Variants in NEGR1 observed in about 807,000 individuals in gnomAD.
NEGR1 encodes IgLON family member 4.
A neutral mutation model predicts 40.9 loss-of-function variants in NEGR1; 10 were observed. That is an observed-to-expected ratio of 0.24 (90% CI 0.15 to 0.42). The LOEUF (loss-of-function observed/expected upper bound fraction) is 0.42, where lower values mean the gene tolerates loss of function less well. Ranked by LOEUF, NEGR1 falls within the 10% of genes least tolerant of loss-of-function variation. NEGR1 has a pLI of 1.00. For synonymous variants in NEGR1, 185 were observed against 166.8 expected (o/e 1.11, Z -0.84); for missense variants, 352 against 438.9 (o/e 0.80, Z 1.77).
intron 1 of NEGR1, among the ~76,000 whole-genome samples, chr1:72,066,638 T>G (rs998355622): frequency 2.0e-5 from 3 of 152,014 alleles, no homozygotes; most frequent in Admixed American, 2.0e-4. Context: ...ACACCAGGAA[T>G]GCACATGCAC....
rs138223560 is a variant in NEGR1, at chr1:72,184,315, C to T, written c.176+98004G>A. Among the ~76,000 whole-genome samples the T allele has an allele frequency of 5.2e-3, 797 of 152,076 alleles. 8 individuals are homozygous for T. Among genetic ancestry groups the T allele is most frequent in the African/African-American group, 0.018 (768 of 41,522 alleles). On this transcript the variant is annotated intron_variant, in intron 1 of 6. Coordinates refer to ENST00000357731, the MANE Select transcript of NEGR1 (RefSeq NM_173808.3). ...CAAAGAGGGTGTTCAGACTGCAGAACGCAGAAGATATTTGCAAGTAGGCAG... is the reference window on the plus strand; with the variant it reads ...CAAAGAGGGTGTTCAGACTGCAGAATGCAGAAGATATTTGCAAGTAGGCAG...
At chr1:71,943,866 T>C (rs975791658) in intron 1 of NEGR1, among the ~76,000 whole-genome samples, 6 of 152,138 alleles carry the variant, frequency 3.9e-5, no homozygotes, top group African/African-American at 1.4e-4. Context: ...AGTAGATAGG[T>C]CTTATCATCT....
At chr1:71,974,260 C>T (rs1646283448) in intron 1 of NEGR1, among the ~76,000 whole-genome samples, 1 of 152,136 alleles carries the variant, frequency 6.6e-6, no homozygotes, top group East Asian at 1.9e-4. Context: ...TCAAAGTAAG[C>T]TTGAGAGTCT....
At chr1:71,625,876 G>A (rs1397815519) in intron 4 of NEGR1, among the ~76,000 whole-genome samples, 1 of 151,634 alleles carries the variant, frequency 6.6e-6, no homozygotes, top group African/African-American at 2.4e-5. Context: ...ATATTTAGAT[G>A]ACTATACACA....
At chr1:71,424,637 A>G (rs1436082785) in intron 6 of NEGR1, among the ~76,000 whole-genome samples, 1 of 152,226 alleles carries the variant, frequency 6.6e-6, no homozygotes, top group Non-Finnish European at 1.5e-5. Flanking sequence ...CACTGGTGGC[A>G]AAAACCCAGA....
chr1:72,175,856 G>A (rs1315297038), intron 1 of NEGR1, among the ~76,000 whole-genome samples: 1 of 152,038 alleles, frequency 6.6e-6, no homozygotes. Flanking sequence ...AAACTCCACA[G>A]CTTAAACTAG....
intron 1 of NEGR1, among the ~76,000 whole-genome samples, chr1:72,012,440 T>C (rs915456742): frequency 3.9e-5 from 6 of 152,050 alleles, no homozygotes; most frequent in African/African-American, 1.4e-4. Flanking sequence ...GTTTCTGTTA[T>C]TGGTGCCAAA....
At chr1:71,913,109 T>G (rs1661466301) in intron 2 of NEGR1, among the ~76,000 whole-genome samples, 1 of 152,102 alleles carries the variant, frequency 6.6e-6, no homozygotes, top group Non-Finnish European at 1.5e-5. Flanking sequence ...CATTTTTAAT[T>G]AAATTAAATT....
chr1:72,002,788 T>G (rs900810270), intron 1 of NEGR1, among the ~76,000 whole-genome samples: 1 of 152,212 alleles, frequency 6.6e-6, no homozygotes, highest in Non-Finnish European at 1.5e-5. Context: ...TTAATTATTC[T>G]TTACAAATTG....
At chr1:72,212,204 G>A (rs1274668551) in intron 1 of NEGR1, among the ~76,000 whole-genome samples, 1 of 151,776 alleles carries the variant, frequency 6.6e-6, no homozygotes, top group Non-Finnish European at 1.5e-5. Context: ...GATAAATTGT[G>A]TTAAACTTTA....
At chr1:72,036,613 G>A (rs565784487) in intron 1 of NEGR1, among the ~76,000 whole-genome samples, 3 of 147,696 alleles carry the variant, frequency 2.0e-5, no homozygotes, top group African/African-American at 5.0e-5. Context: ...CCGAGATTGC[G>A]CTATTGTACT....
At chr1:71,494,865 G>A (rs900498099) in intron 6 of NEGR1, among the ~76,000 whole-genome samples, 2 of 151,906 alleles carry the variant, frequency 1.3e-5, no homozygotes, top group Admixed American at 1.3e-4. Flanking sequence ...AGCTGCACAG[G>A]TCCACTTATA....
At chr1:71,450,334 G>T (rs1646617528) in intron 6 of NEGR1, among the ~76,000 whole-genome samples, 1 of 152,006 alleles carries the variant, frequency 6.6e-6, no homozygotes, top group Admixed American at 6.6e-5. Context: ...TTAATTCAAT[G>T]CACAGCAAAA....
chr1:72,007,845 A>G (rs1646621433), intron 1 of NEGR1, among the ~76,000 whole-genome samples: 1 of 152,152 alleles, frequency 6.6e-6, no homozygotes, highest in African/African-American at 2.4e-5. Context: ...TACTTTGCCT[A>G]AGGCCTACAT....
rs577084423 is a variant in NEGR1, at chr1:71,420,424, T to C, written c.941-12854A>G. Among the ~76,000 whole-genome samples the C allele has an allele frequency of 2.6e-5, 4 of 152,160 alleles. No homozygotes were observed. The East Asian group carries it at 5.8e-4, about 22-fold the overall frequency. On this transcript the variant is annotated intron_variant, in intron 6 of 6. Coordinates refer to ENST00000357731, the MANE Select transcript of NEGR1 (RefSeq NM_173808.3). ...GGAGTGCCTGCTATGTGTTAGGCAT[T>C]GCACTCATACATACACAAAGATGAA...
chr1:71,721,705 C>T (rs965905870), intron 3 of NEGR1, among the ~76,000 whole-genome samples: 1 of 152,054 alleles, frequency 6.6e-6, no homozygotes, highest in Non-Finnish European at 1.5e-5. Flanking sequence ...ATTTTGTAAG[C>T]ATTTCCAAAT....
intron 4 of NEGR1, among the ~76,000 whole-genome samples, chr1:71,624,958 T>C (rs1205164482): frequency 1.3e-5 from 2 of 151,972 alleles, no homozygotes; most frequent in Non-Finnish European, 2.9e-5. Context: ...TTCAATGATG[T>C]ATTCCAAGTC....
chr1:71,951,601 T>A (rs1220220131), intron 1 of NEGR1, among the ~76,000 whole-genome samples: 1 of 151,950 alleles, frequency 6.6e-6, no homozygotes, highest in African/African-American at 2.4e-5. Flanking sequence ...ATATAAAAAA[T>A]AGCTTCTTTT....
intron 1 of NEGR1, among the ~76,000 whole-genome samples, chr1:72,032,160 A>G (rs1227920168): frequency 6.6e-6 from 1 of 152,212 alleles, no homozygotes; most frequent in Non-Finnish European, 1.5e-5. Flanking sequence ...TCATGTGTTT[A>G]TAAGTGATTC....
Sources: allele counts gnomAD v4.1 joint callset (sites outside exome capture counted in the v4.1 genomes callset), GRCh38; gene constraint gnomAD v4.1.1; transcripts MANE v1.5; gene names NCBI Gene and HGNC (gene_info 2026-07-23, HGNC 2026-07-21).